The following SRSF3 variants were observed in gnomAD, a reference collection of about 807,000 sequenced individuals.
SRSF3 encodes serine and arginine rich splicing factor 3.
For missense variants in SRSF3, 58 were observed against 217.1 expected (o/e 0.27, Z 4.61); for synonymous variants, 87 against 73.6 (o/e 1.18, Z -0.93).
intron 5 of SRSF3, 34 bp from the exon 6 acceptor site, chr6:36,601,928 A>ATGTTTTGT: frequency 6.4e-7 from 1 of 1,559,002 alleles, no homozygotes; most frequent in Non-Finnish European, 8.6e-7. Context: ...TACAGATGTA[A>ATGTTTTGT]TGTTTTGTTT....
At position 36,602,450 on chromosome 6, in the gene SRSF3, C is replaced by T. The variant is rs148890076; in HGVS notation, c.*461C>T. ...GTGAAACACAGGCCATCAGGGAAAACGAAATGCTGCACTATTAAATTAGAG... is the reference window on the plus strand; with the variant it reads ...GTGAAACACAGGCCATCAGGGAAAATGAAATGCTGCACTATTAAATTAGAG... On this transcript the variant is annotated 3_prime_UTR_variant, in exon 6 of 6. Transcript: ENST00000373715. 84 of 227,842 alleles carry T rather than the reference C, an allele frequency of 3.7e-4. 2 individuals are homozygous for T. In the East Asian group the frequency reaches 4.2e-3, roughly 11 times the overall value. 14.1% of individuals were successfully genotyped at this position (227,842 alleles called of 1,614,324 possible).
At position 36,603,987 on chromosome 6, in the gene SRSF3, A is replaced by G. The variant is rs539498277; in HGVS notation, c.*1998A>G. ...AGGGAGTTATCCTGACTTAGGTGAC[A>G]TACAGTCCCAGTTGGCAGTTACTTT... On this transcript the variant is annotated 3_prime_UTR_variant, in exon 6 of 6. Transcript: ENST00000373715. 1.3e-5 allele frequency: 3 copies of G among 230,718 alleles called. No homozygotes were observed. In the South Asian group the frequency reaches 5.5e-4, roughly 42 times the overall value. The allele number at this position is 230,718 out of a possible 1,614,324, so 14.3% of individuals were successfully genotyped here.
Position 36,603,631 on chromosome 6 carries a change from T to TA in SRSF3, c.*1645dup, listed in dbSNP as rs1194255977. On this transcript the variant is annotated 3_prime_UTR_variant, in exon 6 of 6. Coordinates refer to ENST00000373715, the MANE Select transcript of SRSF3 (RefSeq NM_003017.5). ...AATTGGTGTCAGGAAGGTTCAGCCTTAAAGTTAAGCATGTTCAAGAAAGAC... is the reference window on the plus strand; with the variant it reads ...AATTGGTGTCAGGAAGGTTCAGCCTTAAAAGTTAAGCATGTTCAAGAAAGAC... 1.7e-5 allele frequency: 4 copies of TA among 229,490 alleles called. No individual in the cohort carries two copies. Among genetic ancestry groups the TA allele is most frequent in the Non-Finnish European group, 3.5e-5 (4 of 115,846 alleles). The allele number at this position is 229,490 out of a possible 1,614,324, so 14.2% of individuals were successfully genotyped here. A position where few individuals can be genotyped will look rare whatever the true frequency, so the allele number is the denominator to read the frequency against.
At chr6:36,599,343 A>G (rs910000731) in intron 3 of SRSF3, 11 of 211,738 alleles carry the variant, frequency 5.2e-5, no homozygotes, top group African/African-American at 2.1e-4. Flanking sequence ...TGTGTTTTCT[A>G]CTATTAGCAC....
rs1778670513 is a variant in SRSF3, at chr6:36,598,652, G to C, written c.207-197G>C. 1.0e-5 allele frequency: 6 copies of C among 578,802 alleles called. No individual in the cohort carries two copies. The South Asian group carries it at 1.3e-4, about 13-fold the overall frequency. 35.9% of individuals were successfully genotyped at this position (578,802 alleles called of 1,614,324 possible). A position where few individuals can be genotyped will look rare whatever the true frequency, so the allele number is the denominator to read the frequency against. ...CTGCCTCGGCCTCATAAAGTGTTGG[G>C]ATTACAGGCGTGTACCACCGTGCCT... On this transcript the variant is annotated intron_variant, in intron 2 of 5. Coordinates refer to ENST00000373715, the MANE Select transcript of SRSF3 (RefSeq NM_003017.5).
chr6:36,601,834 A>T, intron 5 of SRSF3, 40 bp downstream of exon 5: 1 of 1,599,736 alleles, frequency 6.3e-7, no homozygotes. Context: ...CTTTGCATAC[A>T]TAGTATGCTA....
chr6:36,599,592 A>G (rs1040396812), intron 3 of SRSF3: 5 of 338,132 alleles, frequency 1.5e-5, no homozygotes, highest in South Asian at 2.4e-5. Context: ...TCAGACCTCC[A>G]AAATAGTTTC....
intron 1 of SRSF3, among the ~76,000 whole-genome samples, chr6:36,595,050 C>T (rs1317397452): frequency 6.6e-6 from 1 of 152,036 alleles, no homozygotes; most frequent in East Asian, 1.9e-4. Context: ...AAATTTTCAC[C>T]AGTGGTTTGG....
chr6:36,601,275 G>A lies in SRSF3; in HGVS notation c.380+85G>A, dbSNP rs1464257583. ...AACTTTTCCAGGTGGCTTAGTTAAT[G>A]GGAATAAACCTTGGCTTTAATAGTG... On this transcript the variant is annotated intron_variant, in intron 4 of 5. Coordinates refer to ENST00000373715, the MANE Select transcript of SRSF3 (RefSeq NM_003017.5). 5.0e-6 allele frequency: 7 copies of A among 1,397,234 alleles called. No homozygotes were observed. In the African/African-American group the frequency reaches 8.6e-5, roughly 17 times the overall value. 86.6% of individuals were successfully genotyped at this position (1,397,234 alleles called of 1,614,324 possible). A position where few individuals can be genotyped will look rare whatever the true frequency, so the allele number is the denominator to read the frequency against.
intron 3 of SRSF3, 27 bp downstream of exon 3, chr6:36,599,010 G>T (rs746253026): frequency 6.2e-7 from 1 of 1,612,992 alleles, no homozygotes; most frequent in Admixed American, 1.7e-5. Flanking sequence ...TTGTTAAGAG[G>T]TATTGGTGTA....
chr6:36,600,992 C>CTTTTTTTTTTTTTTTTTTTT (rs1169887735), intron 3 of SRSF3, 160 bp from the exon 4 acceptor site: 5 of 340,300 alleles, frequency 1.5e-5, no homozygotes, highest in Admixed American at 7.0e-5. Flanking sequence ...TTTTTCTTTT[C>CTTTTTTTTTTTTTTTTTTTT]TTTTTTTTCT....
rs747713216 is a variant in SRSF3, at chr6:36,601,943, T to TC, written c.468-19_468-18insC. On this transcript the variant is annotated intron_variant, in intron 5 of 5. Transcript: ENST00000373715. ...TACAGATGTAATGTTTTGTTTTCTTTTTTTTTTTTTTTTTTTAGTCGATCT... is the reference window on the plus strand; with the variant it reads ...TACAGATGTAATGTTTTGTTTTCTTTCTTTTTTTTTTTTTTTTAGTCGATCT... 1.8e-5 allele frequency: 20 copies of TC among 1,114,460 alleles called. No individual in the cohort carries two copies. The highest frequency in any genetic ancestry group is 1.3e-4 in the African/African-American group (8 of 61,348). The allele number at this position is 1,114,460 out of a possible 1,614,324, so 69.0% of individuals were successfully genotyped here.
chr6:36,596,731 A>G lies in SRSF3; in HGVS notation c.-2-30A>G. 3 of 1,593,214 alleles carry G rather than the reference A, an allele frequency of 1.9e-6. No individual in the cohort carries two copies. In the South Asian group the frequency reaches 3.3e-5, roughly 18 times the overall value. Reference sequence around the variant, plus strand: ...GGTTTTAACTGTAGATGTTTAGATGAATGAATATTTTTGGTATTTTTCATT... The same window carrying G: ...GGTTTTAACTGTAGATGTTTAGATGGATGAATATTTTTGGTATTTTTCATT... On this transcript the variant is annotated intron_variant, in intron 1 of 5. Transcript: ENST00000373715.
At chr6:36,601,614 A>T in intron 4 of SRSF3, 94 bp from the exon 5 acceptor site, 1 of 1,210,998 alleles carries the variant, frequency 8.3e-7, no homozygotes, top group Non-Finnish European at 1.2e-6. Context: ...AAAATATTGG[A>T]ATTATTGGCA....
At chr6:36,595,229 A>T (rs556371275) in intron 1 of SRSF3, among the ~76,000 whole-genome samples, 1 of 152,342 alleles carries the variant, frequency 6.6e-6, no homozygotes, top group South Asian at 2.1e-4. Context: ...CTGGTCTACA[A>T]GTTTATCAGA....
At chr6:36,598,761 G>A (rs1778672113) in intron 2 of SRSF3, 88 bp from the exon 3 acceptor site, 2 of 1,472,108 alleles carry the variant, frequency 1.4e-6, no homozygotes, top group Non-Finnish European at 1.9e-6. Flanking sequence ...TGTGTTCTTT[G>A]CAGAATAGCC....
chr6:36,596,574 C>CG (rs34650091), intron 1 of SRSF3, among the ~76,000 whole-genome samples, 187 bp from the exon 2 acceptor site: 1,333 of 91,922 alleles, frequency 0.015, 63 homozygotes, highest in South Asian at 0.051. Flanking sequence ...GGCGGGGTGG[C>CG]GGGGGGGGGG....
At chr6:36,598,219 A>T (rs1351108069) in intron 2 of SRSF3, among the ~76,000 whole-genome samples, 1 of 152,226 alleles carries the variant, frequency 6.6e-6, no homozygotes, top group Non-Finnish European at 1.5e-5. Context: ...GGATCTTCAC[A>T]CTTAAATTGC....
At position 36,599,015 on chromosome 6, in the gene SRSF3, G is replaced by A. The variant is rs748880189; in HGVS notation, c.341+32G>A. The A allele has an allele frequency of 1.6e-5, 25 of 1,610,234 alleles. No homozygotes were observed. In the East Asian group the frequency reaches 5.6e-4, roughly 36 times the overall value. On this transcript the variant is annotated intron_variant, in intron 3 of 5. Transcript: ENST00000373715. ...GAGAGAAAGCTTGTTAAGAGGTATTGGTGTAATGGAGTAGCTAGTAGGAGC... is the reference window on the plus strand; with the variant it reads ...GAGAGAAAGCTTGTTAAGAGGTATTAGTGTAATGGAGTAGCTAGTAGGAGC...
Sources: allele counts gnomAD v4.1 joint callset (sites outside exome capture counted in the v4.1 genomes callset), GRCh38; gene constraint gnomAD v4.1.1; transcripts MANE v1.5; gene names NCBI Gene and HGNC (gene_info 2026-07-23, HGNC 2026-07-21).